DCBLD1: variants seen among roughly 807,000 people sequenced by gnomAD.
DCBLD1 encodes discoidin, CUB and LCCL domain-containing protein 1.
Under a neutral mutation model 71.5 loss-of-function variants are expected in DCBLD1, and 57 were observed. That is an observed-to-expected ratio of 0.80 (90% confidence interval 0.64 to 0.99). The LOEUF is 0.99. DCBLD1 is among the 50% of genes least tolerant of loss of function. DCBLD1 has a pLI of 0.00. For synonymous variants in DCBLD1, 380 were observed against 363.8 expected, an observed-to-expected ratio of 1.04 and a Z score of -0.51; for missense variants, 891 against 923.5, an observed-to-expected ratio of 0.96 and a Z score of 0.46.
chr6:117,503,915 G>A lies in DCBLD1; in HGVS notation c.261G>A (p.Leu87=). The A allele has an allele frequency of 6.2e-7, 1 of 1,614,108 alleles. No individual in the cohort carries two copies. The highest frequency in any genetic ancestry group is 8.5e-7 in the Non-Finnish European group (1 of 1,179,992). The part of the protein sequence containing the change: ...GKRLILRLGD[L]DIESQTCASD... Reference sequence around the variant, plus strand: ...GACTGATTCTGAGGTTGGGAGATTTGGATATCGAATCCCAGACCTGTGCTT... The same window carrying A: ...GACTGATTCTGAGGTTGGGAGATTTAGATATCGAATCCCAGACCTGTGCTT... The change falls in exon 2 of 15, where the codon TTG becomes TTA. Residue 87 remains leucine, a synonymous_variant. Transcript: ENST00000338728.
rs190429732 is a variant in DCBLD1 at position 117,500,425 on chromosome 6, A to T, written c.113-3342A>T. ...ATGGAAGAGAGAAATTTTCCCAAGG[A>T]GGTAGAGATCCCCAGGCAAAGTAAC... On this transcript the variant is annotated intron_variant, in intron 1 of 14. Transcript: ENST00000338728. 2.8e-3 allele frequency among the ~76,000 whole-genome samples: 434 copies of T among 152,296 alleles called. 2 individuals carry two copies. The highest frequency in any genetic ancestry group is 4.2e-3 in the Non-Finnish European group (287 of 68,024).
intron 6 of DCBLD1, among the ~76,000 whole-genome samples, chr6:117,533,650 T>C (rs753983130): frequency 6.6e-6 from 1 of 152,208 alleles, no homozygotes; most frequent in African/African-American, 2.4e-5. Context: ...AACTCACATA[T>C]AAACTTTGGG....
intron 1 of DCBLD1, among the ~76,000 whole-genome samples, chr6:117,488,682 G>A (rs984682034): frequency 6.6e-6 from 1 of 152,164 alleles, no homozygotes; most frequent in Non-Finnish European, 1.5e-5. Context: ...GAAAAGAACC[G>A]GGAATCTCTG....
intron 1 of DCBLD1, among the ~76,000 whole-genome samples, chr6:117,490,430 G>A (rs1332473957): frequency 1.3e-5 from 2 of 152,120 alleles, no homozygotes. Context: ...TATCTAATAG[G>A]AAAGTGGAAT....
intron 1 of DCBLD1, among the ~76,000 whole-genome samples, chr6:117,499,590 T>C (rs1240507655): frequency 1.3e-5 from 2 of 152,208 alleles, no homozygotes. Context: ...GTAGATCACA[T>C]GCAATTGGAA....
rs767256856 is a variant in DCBLD1, at chr6:117,563,258, T to C, written c.1616-6362T>C. ...TTGTCTGGAGATATGGTCAATTTAA[T>C]AAGATTTTTTATGATACAGAGTGTG... is the stretch of plus-strand genomic sequence containing the variant. On this transcript the variant is annotated intron_variant, in intron 14 of 14. Transcript: ENST00000296955. The C allele has an allele frequency of 2.0e-5, 33 of 1,610,152 alleles. No homozygotes were observed. The highest frequency in any genetic ancestry group is 1.6e-4 in the Middle Eastern group (1 of 6,068).
intron 14 of DCBLD1, among the ~76,000 whole-genome samples, chr6:117,565,117 G>T (rs1169279191): frequency 6.6e-6 from 1 of 152,064 alleles, no homozygotes; most frequent in African/African-American, 2.4e-5. Flanking sequence ...AATAAATCCA[G>T]AAGGTTAATA....
chr6:117,482,768 C>CGCCCAGCGGGGTCATGGT lies in DCBLD1; in HGVS notation c.-9_9dup. On this transcript the variant is annotated 5_prime_UTR_variant, in exon 1 of 15. In the 5' UTR this introduces an upstream ATG that the reference lacks. Coordinates refer to ENST00000338728, the MANE Select transcript of DCBLD1 (RefSeq NM_001366458.2). ...GGGGAGGCCGAGCTTGCCAAGCTGG[C>CGCCCAGCGGGGTCATGGT]GCCCAGCGGGGTCATGGTGCCCGGC... The CGCCCAGCGGGGTCATGGT allele has an allele frequency of 8.8e-7, 1 of 1,134,120 alleles. No individual in the cohort carries two copies. Among genetic ancestry groups the CGCCCAGCGGGGTCATGGT allele is most frequent in the Non-Finnish European group, 1.1e-6 (1 of 925,732 alleles). The allele number at this position is 1,134,120 out of a possible 1,614,324, so 70.3% of individuals were successfully genotyped here. A position where few individuals can be genotyped will look rare whatever the true frequency, so the allele number is the denominator to read the frequency against.
At chr6:117,508,208 C>T (rs1158914826) in intron 2 of DCBLD1, 1 of 152,182 alleles carries the variant, frequency 6.6e-6, no homozygotes, top group Non-Finnish European at 1.5e-5. Context: ...GGATTGAACA[C>T]ACTTTGAAAC....
At chr6:117,537,348 C>T in intron 7 of DCBLD1, 123 bp downstream of exon 7, 2 of 820,308 alleles carry the variant, frequency 2.4e-6, no homozygotes, top group South Asian at 1.5e-5. Flanking sequence ...TCCTGGCTAA[C>T]ACAGTGAAAC....
rs776317429 is a variant in DCBLD1 at position 117,503,959 on chromosome 6, C to T, written c.305C>T (p.Thr102Ile). 1.4e-5 allele frequency: 23 copies of T among 1,614,004 alleles called. No homozygotes were observed. Among genetic ancestry groups the T allele is most frequent in the Non-Finnish European group, 1.6e-5 (19 of 1,179,908 alleles). ...TGTGCTTCTGACTATCTTCTCTTCACCAGCTCTTCAGATCAATATGGTAAG... is the reference window on the plus strand; with the variant it reads ...TGTGCTTCTGACTATCTTCTCTTCATCAGCTCTTCAGATCAATATGGTAAG... ...QTCASDYLLF[T>I]SSSDQYGPYC... Residue 102 changes from threonine (T) to isoleucine (I), a missense_variant, in exon 2 of 15, where the codon ACC becomes ATC. Coordinates refer to ENST00000338728, the MANE Select transcript of DCBLD1 (RefSeq NM_001366458.2).
chr6:117,554,078 G>A (rs1416581804), downstream of DCBLD1, among the ~76,000 whole-genome samples: 3 of 152,196 alleles, frequency 2.0e-5, no homozygotes, highest in Admixed American at 2.0e-4. Context: ...ATTATATGCA[G>A]CCTTCCTGTT....
Position 117,488,135 on chromosome 6 carries a change from C to G in DCBLD1, c.112+5242C>G, listed in dbSNP as rs559544419. Among the ~76,000 whole-genome samples the G allele has an allele frequency of 1.4e-4, 22 of 152,248 alleles. 1 individual carries two copies. The highest frequency in any genetic ancestry group is 3.4e-3 in the Middle Eastern group (1 of 294). On this transcript the variant is annotated intron_variant, in intron 1 of 14. Transcript: ENST00000338728. ...GAGGATTCCCTAAGATCCATGAAAG[C>G]AGAGATGAATCTCAGCCTCTTCTTT... is the stretch of plus-strand genomic sequence containing the variant.
At chr6:117,558,488 C>G (rs990851643) in intron 14 of DCBLD1, among the ~76,000 whole-genome samples, 1 of 152,108 alleles carries the variant, frequency 6.6e-6, no homozygotes. Flanking sequence ...ATTTCAGTCC[C>G]AAGTCTCCAA....
intron 14 of DCBLD1, among the ~76,000 whole-genome samples, chr6:117,563,865 G>A (rs1779640067): frequency 6.6e-6 from 1 of 151,980 alleles, no homozygotes; most frequent in South Asian, 2.1e-4. Flanking sequence ...CCTAACAGGG[G>A]AATTCTTCCC....
chr6:117,518,752 G>A (rs762217786), intron 2 of DCBLD1, among the ~76,000 whole-genome samples: 1 of 152,056 alleles, frequency 6.6e-6, no homozygotes, highest in Admixed American at 6.6e-5. Flanking sequence ...AGAACAGCAC[G>A]GGAAACACCT....
intron 9 of DCBLD1, chr6:117,539,910 A>C (rs933917321): frequency 1.3e-5 from 2 of 152,396 alleles, no homozygotes; most frequent in Non-Finnish European, 2.9e-5. Flanking sequence ...ATCTCTACTA[A>C]AAATACAAAA....
intron 1 of DCBLD1, among the ~76,000 whole-genome samples, chr6:117,491,574 G>A (rs1325965492): frequency 1.3e-5 from 2 of 152,072 alleles, no homozygotes; most frequent in African/African-American, 4.8e-5. Flanking sequence ...ACAATGTTAT[G>A]AGCACACCTA....
downstream of DCBLD1, among the ~76,000 whole-genome samples, chr6:117,554,644 C>G (rs905966657): frequency 3.3e-5 from 5 of 152,136 alleles, no homozygotes; most frequent in African/African-American, 1.2e-4. Flanking sequence ...CCTGTAATCC[C>G]AGCACTTTGG....
Sources: gnomAD v4.1 joint callset for allele counts (sites outside exome capture counted in the v4.1 genomes callset) on GRCh38, gnomAD v4.1.1 for gene constraint, MANE v1.5 for transcripts, NCBI Gene and HGNC (gene_info 2026-07-23, HGNC 2026-07-21) for gene names.